The following CDKN2A variants were observed in gnomAD, a reference collection of about 807,000 sequenced individuals.
CDKN2A encodes the protein cyclin dependent kinase inhibitor 2A, also known as cyclin-dependent kinase inhibitor 2A.
Under a neutral mutation model 11.1 loss-of-function variants are expected in CDKN2A, and 3 were observed. The ratio of observed to expected loss-of-function variants is 0.27; its 90% CI spans 0.12 to 0.70. The LOEUF (loss-of-function observed/expected upper bound fraction) is 0.70, where lower values mean the gene tolerates loss of function less well. CDKN2A is among the 30% of genes least tolerant of loss of function. The pLI is 0.77. For missense variants in CDKN2A, 265 were observed against 233.6 expected (o/e 1.13, Z -0.88); for synonymous variants, 122 against 108.1 (o/e 1.13, Z -0.80).
intron 2 of CDKN2A, among the ~76,000 whole-genome samples, chr9:21,989,100 A>T (rs1268040609): frequency 6.6e-6 from 1 of 152,250 alleles, no homozygotes; most frequent in Non-Finnish European, 1.5e-5. Flanking sequence ...AATAGAAAAA[A>T]AACGCTATTG....
At chr9:21,969,829 C>T (rs1469245571) in intron 2 of CDKN2A, 4 of 397,764 alleles carry the variant, frequency 1.0e-5, no homozygotes, top group African/African-American at 6.2e-5. Context: ...GGAGGAGGGG[C>T]CGAGTAAAGA....
intron 2 of CDKN2A, among the ~76,000 whole-genome samples, chr9:21,990,377 A>T (rs1820398763): frequency 6.6e-6 from 1 of 152,094 alleles, no homozygotes. Flanking sequence ...TATGACACTT[A>T]AACAACTCAG....
At position 21,994,486 on chromosome 9, in the gene CDKN2A, T is replaced by A. The variant is rs752125273; in HGVS notation, c.-176+335A>T. The A allele has an allele frequency of 2.2e-6, 3 of 1,350,620 alleles. No individual in the cohort carries two copies. The highest frequency in any genetic ancestry group is 3.0e-5 in the Admixed American group (1 of 33,230). 83.7% of individuals were successfully genotyped at this position (1,350,620 alleles called of 1,614,324 possible). A position where few individuals can be genotyped will look rare whatever the true frequency, so the allele number is the denominator to read the frequency against. On this transcript the variant is annotated intron_variant, in intron 1 of 3. Transcript: ENST00000494262. ...CCCGCAGGCGCGCACCCGCCTTCCC[T>A]GAGCGCGCCCGCCCCCCACCTTCAC...
chr9:21,975,224 C>T (rs1819990976), upstream of CDKN2A: 2 of 1,004,826 alleles, frequency 2.0e-6, no homozygotes, highest in East Asian at 1.1e-4. Flanking sequence ...CAGCCGCGCT[C>T]CCCCGCCTGC....
Position 21,970,409 on chromosome 9 carries a change from G to A in CDKN2A, c.457+493C>T, listed in dbSNP as rs72547292. 9.4e-6 allele frequency: 3 copies of A among 318,780 alleles called. No homozygotes were observed. In the East Asian group the frequency reaches 1.5e-4, roughly 16 times the overall value. 19.7% of individuals were successfully genotyped at this position (318,780 alleles called of 1,614,324 possible). On this transcript the variant is annotated intron_variant, in intron 2 of 2. Transcript: ENST00000304494. Reference sequence around the variant, plus strand: ...GGGTCAGATTAGCTGAGGAGGGTCAGATTAGTTGAGTTGTGCAGAAGAGCC... The same window carrying A: ...GGGTCAGATTAGCTGAGGAGGGTCAAATTAGTTGAGTTGTGCAGAAGAGCC...
chr9:21,991,867 T>C lies in CDKN2A; in HGVS notation c.-4+2015A>G. 1.0e-6 allele frequency: 1 copy of C among 985,360 alleles called. No homozygotes were observed. Among genetic ancestry groups the C allele is most frequent in the Non-Finnish European group, 1.2e-6 (1 of 829,836 alleles). The allele number at this position is 985,360 out of a possible 1,614,324, so 61.0% of individuals were successfully genotyped here. On this transcript the variant is annotated intron_variant, in intron 2 of 3. Coordinates refer to the CDKN2A transcript ENST00000494262. This position sits in a 1 kb window ranked among gnomAD's most constrained non-coding sequence, Gnocchi z 5.2. ...TGTACACATGGGGAATAATGGTTTA[T>C]ACTAACTGCACAGTGCTTACCTTGA...
In CDKN2A at chr9:21,991,453, G is replaced by A. The variant is rs1425973710; in HGVS notation, c.-4+2429C>T. 1 of 161,358 alleles carries A rather than the reference G, an allele frequency of 6.2e-6. No individual in the cohort carries two copies. The highest frequency in any genetic ancestry group is 2.0e-4 in the South Asian group (1 of 4,978). The allele number at this position is 161,358 out of a possible 1,614,324, so 10.0% of individuals were successfully genotyped here. ...TACTATGAAGTTTCAGTTTTAGTTC[G>A]GCCTAGAATGTTTTAGTACAGAAGG... On this transcript the variant is annotated intron_variant, in intron 2 of 3. Transcript: ENST00000494262. The surrounding 1 kb of genome is among the most constrained non-coding windows in gnomAD (Gnocchi z 5.2).
rs13302595 is a variant in CDKN2A at position 21,981,035 on chromosome 9, T to C, written c.-3-9827A>G. Among the ~76,000 whole-genome samples, 69 of 12,478 alleles carry C rather than the reference T, an allele frequency of 5.5e-3. 9 individuals carry two copies. The highest frequency in any genetic ancestry group is 0.083 in the East Asian group (2 of 24). 8.2% of individuals were successfully genotyped at this position (12,478 alleles called of 152,430 possible). A position where few individuals can be genotyped will look rare whatever the true frequency, so the allele number is the denominator to read the frequency against. ...ATATATATATACGTGTATATATATA[T>C]ACGTGTATATATATATATACGTGTA... On this transcript the variant is annotated intron_variant, in intron 2 of 3. Transcript: ENST00000494262.
rs1819929841 is a variant in CDKN2A, at chr9:21,974,488, C to T, written c.150+190G>A. On this transcript the variant is annotated intron_variant, in intron 1 of 2. Coordinates refer to ENST00000304494, the MANE Select transcript of CDKN2A (RefSeq NM_000077.5). This position sits in a 1 kb window ranked among gnomAD's most constrained non-coding sequence, Gnocchi z 5.2. Reference sequence around the variant, plus strand: ...ACGCGCGTGGCTCCTCATTCCTCTTCCTTGGCTTCCCAAGCCCCCAGGGCG... The same window carrying T: ...ACGCGCGTGGCTCCTCATTCCTCTTTCTTGGCTTCCCAAGCCCCCAGGGCG... 6.2e-7 allele frequency: 1 copy of T among 1,612,942 alleles called. No individual in the cohort carries two copies. Among genetic ancestry groups the T allele is most frequent in the Non-Finnish European group, 8.5e-7 (1 of 1,179,832 alleles).
Position 21,968,220 on chromosome 9 carries a change from C to T in CDKN2A, c.*9G>A, listed in dbSNP as rs863224604. ...TTTCCCGAGGTTTCTCAGAGCCTCT[C>T]TGGTTCTTTCAATCGGGGATGTCTG... On this transcript the variant is annotated 3_prime_UTR_variant, in exon 3 of 3. Transcript: ENST00000304494. This position sits in a 1 kb window ranked among gnomAD's most constrained non-coding sequence, Gnocchi z 4.7. The T allele has an allele frequency of 6.2e-7, 1 of 1,613,780 alleles. No individual in the cohort carries two copies.
Position 21,974,638 on chromosome 9 carries a change from G to C in CDKN2A, c.150+40C>G, listed in dbSNP as rs1057517604. 6.2e-7 allele frequency: 1 copy of C among 1,614,118 alleles called. No individual in the cohort carries two copies. ...CCTGCAAACTTCGTCCTCCAGAGTC[G>C]CCCGCCATCCCCTGCTCCCGCTGCA... On this transcript the variant is annotated intron_variant, in intron 1 of 2. Coordinates refer to ENST00000304494, the MANE Select transcript of CDKN2A (RefSeq NM_000077.5). The surrounding 1 kb of genome is among the most constrained non-coding windows in gnomAD (Gnocchi z 5.2).
In CDKN2A at chr9:21,988,097, G is replaced by C. The variant is rs1820343035; in HGVS notation, c.-4+5785C>G. Among the ~76,000 whole-genome samples, 1 of 151,990 alleles carries C rather than the reference G, an allele frequency of 6.6e-6. No individual in the cohort carries two copies. Among genetic ancestry groups the C allele is most frequent in the Admixed American group, 6.6e-5 (1 of 15,256 alleles). ...TTTATTTACGTTACCTTGATTGTAC[G>C]ATTTTATTAGTTTCAATTTGCTTAA... On this transcript the variant is annotated intron_variant, in intron 2 of 3. Coordinates refer to the CDKN2A transcript ENST00000494262. This position sits in a 1 kb window ranked among gnomAD's most constrained non-coding sequence, Gnocchi z 4.1.
At chr9:21,975,143 G>A, upstream of CDKN2A, 1 of 1,208,896 alleles carries the variant, frequency 8.3e-7, no homozygotes, top group South Asian at 3.0e-5. Context: ...GCCAGAGCCA[G>A]CGTTGGCAAG....
At chr9:21,979,448 G>T (rs1017444324), upstream of CDKN2A, among the ~76,000 whole-genome samples, 2 of 152,132 alleles carry the variant, frequency 1.3e-5, no homozygotes, top group Non-Finnish European at 2.9e-5. Context: ...AGTTAGAAAA[G>T]AATAAAAGAA....
At chr9:21,987,474 G>A (rs1364566417) in intron 2 of CDKN2A, among the ~76,000 whole-genome samples, 2 of 129,750 alleles carry the variant, frequency 1.5e-5, no homozygotes, top group East Asian at 2.3e-4. Flanking sequence ...CATCCTGCAC[G>A]AACAGAAAGA....
chr9:21,973,149 T>G (rs1022789395), intron 1 of CDKN2A, among the ~76,000 whole-genome samples: 7 of 152,084 alleles, frequency 4.6e-5, no homozygotes, highest in Non-Finnish European at 1.0e-4. Context: ...GCCTTAAAGG[T>G]TTTTCTTATA....
In CDKN2A at chr9:21,991,186, G is replaced by A. The variant is rs1820421370; in HGVS notation, c.-4+2696C>T. On this transcript the variant is annotated intron_variant, in intron 2 of 3. Transcript: ENST00000494262. This position sits in a 1 kb window ranked among gnomAD's most constrained non-coding sequence, Gnocchi z 5.2. ...CAGGCTGGGCTTTGCAGCAGATGGA[G>A]GAGCTAGGGCAAGCTTGTCCAACCT... Among the ~76,000 whole-genome samples the A allele has an allele frequency of 6.6e-6, 1 of 152,150 alleles. No individual in the cohort carries two copies. Among genetic ancestry groups the A allele is most frequent in the African/African-American group, 2.4e-5 (1 of 41,418 alleles).
chr9:21,980,590 C>T (rs994896813), intron 2 of CDKN2A, among the ~76,000 whole-genome samples: 2 of 152,084 alleles, frequency 1.3e-5, no homozygotes, highest in Non-Finnish European at 2.9e-5. Context: ...GTCAGGCACT[C>T]GGCTTAAAGT....
chr9:21,968,667 G>A lies in CDKN2A; in HGVS notation c.458-425C>T, dbSNP rs2131081395. ...TGGTGCGGAGTGAGCCAGCCAGCTT[G>A]CGATAACCAAAGGGCGCCTCAGGCT... is the stretch of plus-strand genomic sequence containing the variant. On this transcript the variant is annotated intron_variant, in intron 2 of 2. Transcript: ENST00000304494. The surrounding 1 kb of genome is among the most constrained non-coding windows in gnomAD (Gnocchi z 4.7). 1 of 1,535,586 alleles carries A rather than the reference G, an allele frequency of 6.5e-7. No homozygotes were observed. Among genetic ancestry groups the A allele is most frequent in the Non-Finnish European group, 8.7e-7 (1 of 1,146,522 alleles).
Sources: allele counts gnomAD v4.1 joint callset (sites outside exome capture counted in the v4.1 genomes callset), GRCh38; gene constraint gnomAD v4.1.1; non-coding constraint Gnocchi (gnomAD v3.1); transcripts MANE v1.5; gene names NCBI Gene and HGNC (gene_info 2026-07-23, HGNC 2026-07-21).